ADAM30: variants seen among roughly 807,000 people sequenced by gnomAD.
ADAM30 encodes ADAM metallopeptidase domain 30.
For missense variants in ADAM30, 960 were observed against 959.4 expected, an observed-to-expected ratio of 1.00 and a Z score of -0.01; for synonymous variants, 382 against 340.9, an observed-to-expected ratio of 1.12 and a Z score of -1.33.
chr1:119,894,843 C>T lies in ADAM30; in HGVS notation c.1494G>A (p.Lys498=). 1.2e-6 allele frequency: 2 copies of T among 1,614,202 alleles called. No homozygotes were observed. Among genetic ancestry groups the T allele is most frequent in the Middle Eastern group, 1.6e-4 (1 of 6,062 alleles). Reference sequence around the variant, plus strand: ...ACTGCATATATCTGGATCTGCACCCCTTCCTGAAACAACGGCCTTCATACT... The same window carrying T: ...ACTGCATATATCTGGATCTGCACCCTTTCCTGAAACAACGGCCTTCATACT... ...PCKYEGRCFR[K]GCRSRYMQCQ... Residue 498 remains lysine (K), a synonymous_variant, in exon 1 of 1, where the codon AAG becomes AAA. Transcript: ENST00000369400.
chr1:119,896,063 A>G lies in ADAM30; in HGVS notation c.274T>C (p.Ser92Pro), dbSNP rs1181865325. Residue 92 changes from serine (S) to proline (P), a missense_variant, in exon 1 of 1, where the codon TCC (serine) becomes CCC (proline). Physicochemically the swap from Ser to Pro is moderately conservative, Grantham distance 74. Coordinates refer to ENST00000369400, the MANE Select transcript of ADAM30 (RefSeq NM_021794.4). ...LLLPRHLRVF[S>P]FTEHGELLED... ...AGCAGTTCCCCATGTTCTGTGAAGGAGAAAACGCGCAGATGTCGGGGCAAC... is the reference window on the plus strand; with the variant it reads ...AGCAGTTCCCCATGTTCTGTGAAGGGGAAAACGCGCAGATGTCGGGGCAAC... 1.2e-6 allele frequency: 2 copies of G among 1,614,162 alleles called. No individual in the cohort carries two copies. The highest frequency in any genetic ancestry group is 1.7e-5 in the Admixed American group (1 of 60,022).
At position 119,895,977 on chromosome 1, in the gene ADAM30, C is replaced by G; in HGVS notation, c.360G>C (p.Leu120=). 1 of 1,614,126 alleles carries G rather than the reference C, an allele frequency of 6.2e-7. No individual in the cohort carries two copies. Among genetic ancestry groups the G allele is most frequent in the Non-Finnish European group, 8.5e-7 (1 of 1,180,022 alleles). ...ATGTGCTTATAGTAGCTTTAGAGTC[C>G]AGAGACTCTTTCACGGAGCCCATGT... ...CNYMGSVKES[L]DSKATISTCM... The change falls in exon 1 of 1, where the codon CTG becomes CTC. Residue 120 remains leucine, a synonymous_variant. Coordinates refer to ENST00000369400, the MANE Select transcript of ADAM30 (RefSeq NM_021794.4).
At position 119,896,030 on chromosome 1, in the gene ADAM30, G is replaced by A. The variant is rs765610008; in HGVS notation, c.307C>T (p.His103Tyr). ...TTGCAGTCCTTTGGTATGTAAGGATGATCCTCCAGCAGTTCCCCATGTTCT... is the reference window on the plus strand; with the variant it reads ...TTGCAGTCCTTTGGTATGTAAGGATAATCCTCCAGCAGTTCCCCATGTTCT... ...FTEHGELLED[H>Y]PYIPKDCNYM... is the part of the protein sequence containing the mutation. Residue 103 changes from histidine (H) to tyrosine (Y), a missense_variant, in exon 1 of 1, where the codon CAT (histidine) becomes TAT (tyrosine). Physicochemically the swap from His to Tyr is moderately conservative, Grantham distance 83. Transcript: ENST00000369400. 1 of 1,614,142 alleles carries A rather than the reference G, an allele frequency of 6.2e-7. No individual in the cohort carries two copies. The highest frequency in any genetic ancestry group is 8.5e-7 in the Non-Finnish European group (1 of 1,180,032).
At position 119,895,084 on chromosome 1, in the gene ADAM30, G is replaced by A. The variant is rs1557794884; in HGVS notation, c.1253C>T (p.Thr418Ile). 8 of 1,614,128 alleles carry A rather than the reference G, an allele frequency of 5.0e-6. No individual in the cohort carries two copies. Among genetic ancestry groups the A allele is most frequent in the Non-Finnish European group, 6.8e-6 (8 of 1,180,040 alleles). ...ACACCGATCTTTCTGACACTCCTCT[G>A]TGGAACCACAGTCACATTCCTCATT... ...EDNEECDCGS[T>I]EECQKDRCCQ... Residue 418 changes from threonine to isoleucine, a missense_variant, in exon 1 of 1, where the codon ACA (threonine) becomes ATA (isoleucine). Transcript: ENST00000369400.
At position 119,893,632 on chromosome 1, in the gene ADAM30, C is replaced by T; in HGVS notation, c.*332G>A. 6.6e-6 allele frequency: 2 copies of T among 301,796 alleles called. No homozygotes were observed. Among genetic ancestry groups the T allele is most frequent in the Non-Finnish European group, 6.0e-6 (1 of 166,722 alleles). The allele number at this position is 301,796 out of a possible 1,614,324, so 18.7% of individuals were successfully genotyped here. On this transcript the variant is annotated 3_prime_UTR_variant, in exon 1 of 1. Transcript: ENST00000369400. ...GGGAGAGGCAGACAATTGCTTTGTT[C>T]CCTGGGATTCTGAGAAACAAGACTA...
In ADAM30 at chr1:119,893,603, C is replaced by T; in HGVS notation, c.*361G>A. 3 of 249,990 alleles carry T rather than the reference C, an allele frequency of 1.2e-5. No individual in the cohort carries two copies. Among genetic ancestry groups the T allele is most frequent in the Non-Finnish European group, 2.3e-5 (3 of 131,728 alleles). 15.5% of individuals were successfully genotyped at this position (249,990 alleles called of 1,614,324 possible). ...TTCACATGGATCAAGTTGAGGGAGG[C>T]AGAGGGAGAGGCAGACAATTGCTTT... On this transcript the variant is annotated 3_prime_UTR_variant, in exon 1 of 1. Coordinates refer to ENST00000369400, the MANE Select transcript of ADAM30 (RefSeq NM_021794.4).
chr1:119,896,507 G>T lies in ADAM30; in HGVS notation c.-171C>A. ...CCAGGGCTCGGTCTAGCTGGCGTCC[G>T]CAATGCGCGCGTGACCTGTCCAACG... On this transcript the variant is annotated 5_prime_UTR_variant, in exon 1 of 1. Coordinates refer to ENST00000369400, the MANE Select transcript of ADAM30 (RefSeq NM_021794.4). 2 of 1,020,836 alleles carry T rather than the reference G, an allele frequency of 2.0e-6. No individual in the cohort carries two copies. Among genetic ancestry groups the T allele is most frequent in the African/African-American group, 1.6e-5 (1 of 61,830 alleles). The allele number at this position is 1,020,836 out of a possible 1,614,324, so 63.2% of individuals were successfully genotyped here.
At position 119,894,767 on chromosome 1, in the gene ADAM30, C is replaced by G. The variant is rs776179931; in HGVS notation, c.1570G>C (p.Asp524His). The change falls in exon 1 of 1, where the codon GAT becomes CAT. Residue 524 changes from aspartate to histidine, a missense_variant. By Grantham distance (81) the Asp-to-His change is moderately conservative. Transcript: ENST00000369400. Reference sequence around the variant, plus strand: ...TGATCACCTATTAAGTTAACTGCATCATAGCACTCACTAGGAGCCTCCATG... The same window carrying G: ...TGATCACCTATTAAGTTAACTGCATGATAGCACTCACTAGGAGCCTCCATG... ...DAMEAPSECY[D>H]AVNLIGDQFG... The G allele has an allele frequency of 6.2e-7, 1 of 1,614,222 alleles. No homozygotes were observed. Among genetic ancestry groups the G allele is most frequent in the South Asian group, 1.1e-5 (1 of 91,080 alleles).
chr1:119,895,488 T>A lies in ADAM30; in HGVS notation c.849A>T (p.Val283=), dbSNP rs770671835. The A allele has an allele frequency of 6.8e-6, 11 of 1,613,788 alleles. No homozygotes were observed. In the South Asian group the frequency reaches 1.1e-4, roughly 16 times the overall value. ...AATCTGATGACAGGCGAGCATTTAA[T>A]ACACTTTTTTTATATATTACAAATC... ...LGRFVIYKKS[V]LNARLSSDWA... The change falls in exon 1 of 1, where the codon GTA becomes GTT. Residue 283 remains valine (V), a synonymous_variant. Coordinates refer to ENST00000369400, the MANE Select transcript of ADAM30 (RefSeq NM_021794.4).
At position 119,893,830 on chromosome 1, in the gene ADAM30, T is replaced by C; in HGVS notation, c.*134A>G. On this transcript the variant is annotated 3_prime_UTR_variant, in exon 1 of 1. Transcript: ENST00000369400. ...GTTTGTTTCCAAAACAAGAATGCTGTTTATTTGCTGATCAAAACTTGTGGG... is the reference window on the plus strand; with the variant it reads ...GTTTGTTTCCAAAACAAGAATGCTGCTTATTTGCTGATCAAAACTTGTGGG... 6.7e-7 allele frequency: 1 copy of C among 1,489,248 alleles called. No homozygotes were observed. The highest frequency in any genetic ancestry group is 1.4e-5 in the African/African-American group (1 of 71,358). The allele number at this position is 1,489,248 out of a possible 1,614,324, so 92.3% of individuals were successfully genotyped here. A position where few individuals can be genotyped will look rare whatever the true frequency, so the allele number is the denominator to read the frequency against.
rs1402680253 is a variant in ADAM30 at position 119,895,531 on chromosome 1, A to T, written c.806T>A (p.Leu269Ter). 6.2e-7 allele frequency: 1 copy of T among 1,613,876 alleles called. No individual in the cohort carries two copies. The highest frequency in any genetic ancestry group is 8.5e-7 in the Non-Finnish European group (1 of 1,180,026). ...TACAAATCTGCCTAAAACTTCAGCTAACTCTGGATATCCAACGCGTATTTT... is the reference window on the plus strand; with the variant it reads ...TACAAATCTGCCTAAAACTTCAGCTTACTCTGGATATCCAACGCGTATTTT... ...FNKIRVGYPE[L>*]AEVLGRFVIY... Residue 269 changes from leucine (L) to a stop codon, truncating the protein, a stop_gained, in exon 1 of 1, where the codon TTA becomes TAA. Coordinates refer to ENST00000369400, the MANE Select transcript of ADAM30 (RefSeq NM_021794.4). LOFTEE classifies it low-confidence loss of function (END_TRUNC).
rs377010184 is a variant in ADAM30 at position 119,894,415 on chromosome 1, C to T, written c.1922G>A (p.Arg641Gln). The T allele has an allele frequency of 6.3e-5, 101 of 1,614,024 alleles. No individual in the cohort carries two copies. Among genetic ancestry groups the T allele is most frequent in the East Asian group, 8.9e-5 (4 of 44,882 alleles). Reference protein sequence around the residue: ...FDCLPEKCNTRGVCNNRKNCH... With the variant: ...FDCLPEKCNTQGVCNNRKNCH... Reference sequence around the variant, plus strand: ...GTTTTTTCTGTTGTTGCAAACACCCCGGGTATTGCATTTCTCAGGCAAACA... The same window carrying T: ...GTTTTTTCTGTTGTTGCAAACACCCTGGGTATTGCATTTCTCAGGCAAACA... The change falls in exon 1 of 1, where the codon CGG becomes CAG. Residue 641 changes from arginine (R) to glutamine (Q), a missense_variant. By Grantham distance (43) the Arg-to-Gln change is conservative. Transcript: ENST00000369400.
chr1:119,895,303 C>G lies in ADAM30; in HGVS notation c.1034G>C (p.Gly345Ala), dbSNP rs771208017. Residue 345 changes from glycine (G) to alanine (A), a missense_variant, in exon 1 of 1, where the codon GGA becomes GCA. Gly to Ala is a moderately conservative substitution (Grantham distance 60). Coordinates refer to ENST00000369400, the MANE Select transcript of ADAM30 (RefSeq NM_021794.4). ...WSAHELGHAVGMSHDEQYCQC... is the reference protein window; with the variant it reads ...WSAHELGHAVAMSHDEQYCQC... ...GCAGTATTGTTCATCATGTGACATT[C>G]CTACAGCATGACCCAGCTCATGAGC... 1.2e-6 allele frequency: 2 copies of G among 1,614,138 alleles called. No homozygotes were observed. Among genetic ancestry groups the G allele is most frequent in the South Asian group, 2.2e-5 (2 of 91,066 alleles).
In ADAM30 at chr1:119,896,282, G is replaced by A; in HGVS notation, c.55C>T (p.Pro19Ser). 1 of 1,610,388 alleles carries A rather than the reference G, an allele frequency of 6.2e-7. No individual in the cohort carries two copies. The highest frequency in any genetic ancestry group is 8.5e-7 in the Non-Finnish European group (1 of 1,178,124). The change falls in exon 1 of 1, where the codon CCG becomes TCG. Residue 19 changes from proline (P) to serine (S), a missense_variant. Coordinates refer to ENST00000369400, the MANE Select transcript of ADAM30 (RefSeq NM_021794.4). ...CCAAGAGACTTAAGGAGCATTGTCG[G>A]AACTAGTAGAAGGAGCAAACGGCAT... Reference protein sequence around the residue: ...SQCRLLLLLVPTMLLKSLGED... With the variant: ...SQCRLLLLLVSTMLLKSLGED...
In ADAM30 at chr1:119,895,063, C is replaced by T. The variant is rs145317971; in HGVS notation, c.1274G>A (p.Arg425Gln). The T allele has an allele frequency of 1.4e-5, 22 of 1,614,038 alleles. No homozygotes were observed. The highest frequency in any genetic ancestry group is 5.5e-5 in the South Asian group (5 of 91,080). ...CAACTTACAATTTGATTGGCAACACCGATCTTTCTGACACTCCTCTGTGGA... is the reference window on the plus strand; with the variant it reads ...CAACTTACAATTTGATTGGCAACACTGATCTTTCTGACACTCCTCTGTGGA... ...CGSTEECQKD[R>Q]CCQSNCKLQP... is the part of the protein sequence containing the mutation. The change falls in exon 1 of 1, where the codon CGG (arginine) becomes CAG (glutamine). Residue 425 changes from arginine to glutamine, a missense_variant. Arg to Gln is a conservative substitution (Grantham distance 43). Transcript: ENST00000369400.
At position 119,896,303 on chromosome 1, in the gene ADAM30, G is replaced by C; in HGVS notation, c.34C>G (p.Arg12Gly). ...GTCGGAACTAGTAGAAGGAGCAAAC[G>C]GCATTGGGAGAGGAAGATCTGCACT... ...RSVQIFLSQC[R>G]LLLLLVPTML... Residue 12 changes from arginine (R) to glycine (G), a missense_variant, in exon 1 of 1, where the codon CGT becomes GGT. Arg to Gly is a moderately radical substitution (Grantham distance 125). Coordinates refer to ENST00000369400, the MANE Select transcript of ADAM30 (RefSeq NM_021794.4). 3.1e-6 allele frequency: 5 copies of C among 1,599,292 alleles called. No individual in the cohort carries two copies. The highest frequency in any genetic ancestry group is 4.3e-6 in the Non-Finnish European group (5 of 1,172,376).
At position 119,895,760 on chromosome 1, in the gene ADAM30, T is replaced by C; in HGVS notation, c.577A>G (p.Arg193Gly). 2 of 1,614,132 alleles carry C rather than the reference T, an allele frequency of 1.2e-6. No individual in the cohort carries two copies. Among genetic ancestry groups the C allele is most frequent in the Non-Finnish European group, 8.5e-7 (1 of 1,180,030 alleles). Residue 193 changes from arginine to glycine, a missense_variant, in exon 1 of 1, where the codon AGG becomes GGG. Physicochemically the swap from Arg to Gly is moderately radical, Grantham distance 125. Coordinates refer to ENST00000369400, the MANE Select transcript of ADAM30 (RefSeq NM_021794.4). ...MAPYENKARL[R>G]DFPGSYKHPK... ...TGTTTATAGGATCCAGGAAAGTCCC[T>C]TAGCCTCGCCTTATTCTCATAAGGG...
Position 119,895,425 on chromosome 1 carries a change from A to C in ADAM30, c.912T>G (p.Ala304=), listed in dbSNP as rs1342720195. Reference sequence around the variant, plus strand: ...ACACTTTTCCAAACGACCATGCAAGAGCATCATTATATTTTCTTTGAAGAT... The same window carrying C: ...ACACTTTTCCAAACGACCATGCAAGCGCATCATTATATTTTCTTTGAAGAT... The part of the protein sequence containing the change: ...HLYLQRKYND[A]LAWSFGKVCS... The change falls in exon 1 of 1, where the codon GCT becomes GCG. Residue 304 remains alanine, a synonymous_variant. Coordinates refer to ENST00000369400, the MANE Select transcript of ADAM30 (RefSeq NM_021794.4). The C allele has an allele frequency of 6.2e-7, 1 of 1,613,796 alleles. No individual in the cohort carries two copies. The highest frequency in any genetic ancestry group is 8.5e-7 in the Non-Finnish European group (1 of 1,179,988).
chr1:119,896,460 T>C lies in ADAM30; in HGVS notation c.-124A>G. 1 of 1,408,760 alleles carries C rather than the reference T, an allele frequency of 7.1e-7. No homozygotes were observed. The highest frequency in any genetic ancestry group is 9.3e-7 in the Non-Finnish European group (1 of 1,078,594). The allele number at this position is 1,408,760 out of a possible 1,614,324, so 87.3% of individuals were successfully genotyped here. ...CAAAACCCGGCTCCCCTGGCAGGGT[T>C]TCCGGGGGAGCCCGTAGCCTCCCAG... On this transcript the variant is annotated 5_prime_UTR_variant, in exon 1 of 1. Transcript: ENST00000369400.
Sources: allele counts gnomAD v4.1 joint callset, GRCh38; gene constraint gnomAD v4.1.1; transcripts MANE v1.5; gene names NCBI Gene and HGNC (gene_info 2026-07-23, HGNC 2026-07-21).